The following IQCM variants were observed in gnomAD, a reference collection of about 807,000 sequenced individuals.
The protein encoded by IQCM is IQ domain-containing protein M.
A neutral mutation model predicts 57.6 loss-of-function variants in IQCM; 45 were observed. The ratio of observed to expected loss-of-function variants is 0.78; its 90% CI spans 0.62 to 1.00. IQCM has a LOEUF of 1.00. IQCM is among the 50% of genes least tolerant of loss of function. IQCM has a pLI of 0.00. For missense variants in IQCM, 468 were observed against 511.6 expected, an observed-to-expected ratio of 0.91 and a Z score of 0.82; for synonymous variants, 148 against 158.9, an observed-to-expected ratio of 0.93 and a Z score of 0.51.
chr4:149,756,159 A>T (rs569672378), intron 2 of IQCM, among the ~76,000 whole-genome samples: 1 of 152,330 alleles, frequency 6.6e-6, no homozygotes, highest in African/African-American at 2.4e-5. Flanking sequence ...TGCAAGGTTA[A>T]TGAATGCCAG....
chr4:149,558,630 G>C (rs1002051423), intron 10 of IQCM, among the ~76,000 whole-genome samples: 5 of 152,118 alleles, frequency 3.3e-5, no homozygotes, highest in Non-Finnish European at 7.4e-5. Context: ...ATTTTCTACA[G>C]GTTAGTATGG....
chr4:149,779,371 C>G (rs535158776), intron 2 of IQCM, among the ~76,000 whole-genome samples: 2 of 152,240 alleles, frequency 1.3e-5, no homozygotes, highest in South Asian at 4.1e-4. Context: ...TCAAGATTTA[C>G]TCTATAGCTA....
At chr4:149,419,742 T>G (rs939038578) in intron 13 of IQCM, among the ~76,000 whole-genome samples, 3 of 152,082 alleles carry the variant, frequency 2.0e-5, no homozygotes, top group African/African-American at 7.2e-5. Context: ...AATCTACCCA[T>G]CTGACAAAGG....
chr4:149,797,642 C>G (rs1468933721), intron 2 of IQCM, among the ~76,000 whole-genome samples: 1 of 151,660 alleles, frequency 6.6e-6, no homozygotes, highest in East Asian at 1.9e-4. Context: ...GAATCAAACT[C>G]CCAAAATTAA....
At chr4:149,646,834 A>C (rs1177301145) in intron 7 of IQCM, among the ~76,000 whole-genome samples, 2 of 152,074 alleles carry the variant, frequency 1.3e-5, no homozygotes, top group Non-Finnish European at 2.9e-5. Flanking sequence ...AAATACAAAA[A>C]TTAGCTGGGT....
At chr4:149,481,696 G>GTTTTGTTTTTTTTT (rs1560895742) in intron 12 of IQCM, among the ~76,000 whole-genome samples, 2 of 33,600 alleles carry the variant, frequency 6.0e-5, no homozygotes, top group African/African-American at 1.2e-4. Flanking sequence ...GATTCTTCCA[G>GTTTTGTTTTTTTTT]TTTTGTTTTT....
intron 5 of IQCM, 98 bp downstream of exon 5, chr4:149,733,146 G>A (rs1766617342): frequency 9.5e-7 from 1 of 1,049,736 alleles, no homozygotes; most frequent in South Asian, 5.0e-5. Context: ...TAAAGTTCAG[G>A]GAATTATTTG....
chr4:149,400,029 C>T (rs976717322), intron 13 of IQCM, among the ~76,000 whole-genome samples: 7 of 151,906 alleles, frequency 4.6e-5, no homozygotes, highest in South Asian at 2.1e-4. Flanking sequence ...TCTGGATTGG[C>T]GGTAGAAAAG....
chr4:149,613,223 G>T (rs1039190568), intron 8 of IQCM, among the ~76,000 whole-genome samples: 1 of 151,700 alleles, frequency 6.6e-6, no homozygotes, highest in Non-Finnish European at 1.5e-5. Context: ...AAGAAAAAGC[G>T]CAAAGAGAAG....
At chr4:149,480,010 G>A (rs1740607107) in intron 12 of IQCM, among the ~76,000 whole-genome samples, 1 of 152,200 alleles carries the variant, frequency 6.6e-6, no homozygotes, top group South Asian at 2.1e-4. Context: ...CAACTCATTT[G>A]CAATGAAAAG....
chr4:149,585,272 A>G (rs954103361), intron 9 of IQCM, among the ~76,000 whole-genome samples: 3 of 151,666 alleles, frequency 2.0e-5, no homozygotes, highest in South Asian at 2.1e-4. Context: ...ACTCTGCCTC[A>G]TGCAGGCTGT....
chr4:149,400,173 A>G (rs945369752), intron 13 of IQCM, among the ~76,000 whole-genome samples: 1 of 150,710 alleles, frequency 6.6e-6, no homozygotes, highest in African/African-American at 2.4e-5. Context: ...GAATGTGAGT[A>G]GGTTAGAGTC....
intron 5 of IQCM, among the ~76,000 whole-genome samples, chr4:149,715,561 A>G (rs115081570): frequency 1.3e-5 from 2 of 152,050 alleles, no homozygotes; most frequent in African/African-American, 2.4e-5. Context: ...TCTCCTTCTC[A>G]TGGCCTGCAA....
chr4:149,544,396 G>T (rs1021668387), intron 12 of IQCM, among the ~76,000 whole-genome samples: 20 of 152,098 alleles, frequency 1.3e-4, no homozygotes, highest in African/African-American at 4.8e-4. Context: ...ATAAGACACT[G>T]ATGAAATAAA....
At chr4:149,428,432 GT>G (rs1734603793) in intron 13 of IQCM, among the ~76,000 whole-genome samples, 1 of 151,894 alleles carries the variant, frequency 6.6e-6, no homozygotes, top group Non-Finnish European at 1.5e-5. Context: ...TCAGAGAGAA[GT>G]GCCAAAAGGG....
Position 149,351,759 on chromosome 4 carries a change from A to T in IQCM, c.*192T>A. On this transcript the variant is annotated 3_prime_UTR_variant, in exon 14 of 14. Transcript: ENST00000636793. ...CATTATGATAAAAGAGATGTTTTTTATGAAGGAGATCAAATGAATGGTGTT... is the reference window on the plus strand; with the variant it reads ...CATTATGATAAAAGAGATGTTTTTTTTGAAGGAGATCAAATGAATGGTGTT... 1 of 375,738 alleles carries T rather than the reference A, an allele frequency of 2.7e-6. No individual in the cohort carries two copies. The highest frequency in any genetic ancestry group is 4.7e-6 in the Non-Finnish European group (1 of 212,714). The allele number at this position is 375,738 out of a possible 1,614,324, so 23.3% of individuals were successfully genotyped here.
In IQCM at chr4:149,475,101, T is replaced by C. The variant is rs139935509; in HGVS notation, c.1229-41544A>G. ...ACCATTCTGGCTACTGTGTCGAAAA[T>C]ATTCTGTGCTGTTAGAGGGTCACAA... On this transcript the variant is annotated intron_variant, in intron 12 of 13. Transcript: ENST00000636793. 2.9e-3 allele frequency among the ~76,000 whole-genome samples: 444 copies of C among 152,262 alleles called. 3 individuals are homozygous for C. Among genetic ancestry groups the C allele is most frequent in the African/African-American group, 8.5e-3 (355 of 41,554 alleles).
chr4:149,634,880 C>T (rs972062444), intron 7 of IQCM, among the ~76,000 whole-genome samples: 1 of 152,180 alleles, frequency 6.6e-6, no homozygotes, highest in Middle Eastern at 3.4e-3. Context: ...AAGAATTTGC[C>T]TCATCTAATC....
intron 12 of IQCM, among the ~76,000 whole-genome samples, chr4:149,505,345 A>G (rs891050956): frequency 1.3e-5 from 2 of 152,208 alleles, no homozygotes; most frequent in African/African-American, 4.8e-5. Context: ...GGTGTTCTAT[A>G]CTTTAAAAAT....
Sources: gnomAD v4.1 joint callset for allele counts (sites outside exome capture counted in the v4.1 genomes callset) on GRCh38, gnomAD v4.1.1 for gene constraint, MANE v1.5 for transcripts, NCBI Gene and HGNC (gene_info 2026-07-23, HGNC 2026-07-21) for gene names.